Variants in LIMS1 observed in about 807,000 individuals in gnomAD.
The protein encoded by LIMS1 is LIM and senescent cell antigen-like-containing domain protein 1.
Under a neutral mutation model 44.1 loss-of-function variants are expected in LIMS1, and 18 were observed. The observed-to-expected ratio is 0.41, with a 90% CI of 0.28 to 0.61. LIMS1 has a LOEUF of 0.61. Ranked by LOEUF, LIMS1 falls within the 20% of genes least tolerant of loss-of-function variation. The pLI, the probability that LIMS1 is intolerant of heterozygous loss-of-function variation, is 0.32. For missense variants in LIMS1, 201 were observed against 422.0 expected (o/e 0.48, Z 4.59); for synonymous variants, 93 against 149.1 (o/e 0.62, Z 2.74).
chr2:108,539,686 G>A (rs1684255270), intron 1 of LIMS1, among the ~76,000 whole-genome samples: 1 of 152,098 alleles, frequency 6.6e-6, no homozygotes, highest in African/African-American at 2.4e-5. Flanking sequence ...ATTTTTTGTT[G>A]TATAGCTTTT....
chr2:108,560,808 C>T (rs2104610720), intron 1 of LIMS1, among the ~76,000 whole-genome samples: 1 of 152,096 alleles, frequency 6.6e-6, no homozygotes, highest in South Asian at 2.1e-4. Context: ...TGGAAGAGTG[C>T]CTGTTAGTGT....
At position 108,556,874 on chromosome 2, in the gene LIMS1, A is replaced by G. The variant is rs188211852; in HGVS notation, c.32+22280A>G. ...CTGTGATCAGTCAAGCAGCTGACCA[A>G]TCGTTACCTACTCCTCCCTGCTCTT... On this transcript the variant is annotated intron_variant, in intron 1 of 9. Transcript: ENST00000544547. Among the ~76,000 whole-genome samples, 10 of 152,320 alleles carry G rather than the reference A, an allele frequency of 6.6e-5. No homozygotes were observed. In the East Asian group the frequency reaches 9.7e-4, roughly 15 times the overall value.
intron 1 of LIMS1, among the ~76,000 whole-genome samples, chr2:108,609,781 T>C (rs1346517886): frequency 1.3e-5 from 2 of 152,192 alleles, no homozygotes. Context: ...CAGCAGTGTA[T>C]GACCTTCTGG....
At chr2:108,627,427 C>T (rs867554349) in intron 1 of LIMS1, among the ~76,000 whole-genome samples, 2 of 123,438 alleles carry the variant, frequency 1.6e-5, no homozygotes, top group Non-Finnish European at 3.2e-5. Context: ...TTTTGCACTG[C>T]TATAGGAGAC....
intron 1 of LIMS1, among the ~76,000 whole-genome samples, chr2:108,648,826 A>G (rs1046849540): frequency 6.6e-6 from 1 of 152,244 alleles, no homozygotes; most frequent in Non-Finnish European, 1.5e-5. Flanking sequence ...TTATACAAAA[A>G]TTAACTGAAG....
At chr2:108,571,357 A>T (rs552159486) in intron 1 of LIMS1, among the ~76,000 whole-genome samples, 6 of 152,336 alleles carry the variant, frequency 3.9e-5, no homozygotes, top group Middle Eastern at 3.4e-3. Flanking sequence ...TGCATCTGAC[A>T]TGTAAATAGC....
intron 1 of LIMS1, among the ~76,000 whole-genome samples, chr2:108,640,370 T>C (rs1689587709): frequency 6.6e-6 from 1 of 152,194 alleles, no homozygotes; most frequent in East Asian, 1.9e-4. Flanking sequence ...ACCACATAGG[T>C]CGTCAAGACT....
At chr2:108,588,886 G>A (rs949973166) in intron 1 of LIMS1, among the ~76,000 whole-genome samples, 2 of 152,170 alleles carry the variant, frequency 1.3e-5, no homozygotes, top group African/African-American at 4.8e-5. Context: ...TAGGGTGGGT[G>A]TGGAAGGGAA....
intron 1 of LIMS1, among the ~76,000 whole-genome samples, chr2:108,551,629 T>C (rs1573311532): frequency 6.9e-6 from 1 of 144,860 alleles, no homozygotes; most frequent in East Asian, 2.0e-4. Context: ...TATATATGTG[T>C]ATATATATGT....
chr2:108,563,421 A>G (rs1303941671), intron 1 of LIMS1, among the ~76,000 whole-genome samples: 4 of 152,228 alleles, frequency 2.6e-5, no homozygotes, highest in Non-Finnish European at 4.4e-5. Context: ...CAAAATACCA[A>G]CATTAGTAGG....
At chr2:108,575,215 G>A (rs1394902084) in intron 1 of LIMS1, among the ~76,000 whole-genome samples, 2 of 152,058 alleles carry the variant, frequency 1.3e-5, no homozygotes, top group Non-Finnish European at 2.9e-5. Flanking sequence ...TCCCCTCCAA[G>A]GTTGGGGAGG....
chr2:108,587,293 TGTGTGTG>T (rs749729198), intron 1 of LIMS1, among the ~76,000 whole-genome samples: 34,458 of 90,000 alleles, frequency 0.38, 5,567 homozygotes, highest in East Asian at 0.8. Context: ...TTGGGGTTTG[TGTGTGTG>T]TGTGTGTGTG....
chr2:108,664,126 C>CTT (rs1326619423), intron 2 of LIMS1, among the ~76,000 whole-genome samples: 1 of 152,114 alleles, frequency 6.6e-6, no homozygotes. Flanking sequence ...CTCATTTACT[C>CTT]TGATTATTCA....
At chr2:108,552,169 T>C (rs762063437) in intron 1 of LIMS1, among the ~76,000 whole-genome samples, 1 of 145,356 alleles carries the variant, frequency 6.9e-6, no homozygotes, top group African/African-American at 2.5e-5. Context: ...TATATAAATA[T>C]AAAATATACA....
chr2:108,610,666 G>A (rs990425377), intron 1 of LIMS1, among the ~76,000 whole-genome samples: 1 of 152,106 alleles, frequency 6.6e-6, no homozygotes, highest in Non-Finnish European at 1.5e-5. Flanking sequence ...CCCAAGAGTA[G>A]CATTCTACAT....
At chr2:108,669,497 T>C (rs1023718248) in intron 2 of LIMS1, among the ~76,000 whole-genome samples, 3 of 152,138 alleles carry the variant, frequency 2.0e-5, no homozygotes, top group East Asian at 1.9e-4. Flanking sequence ...GTGGTAGATA[T>C]GTTCACTAAA....
intron 1 of LIMS1, among the ~76,000 whole-genome samples, chr2:108,614,258 C>T (rs1212952329): frequency 6.6e-6 from 1 of 152,236 alleles, no homozygotes; most frequent in Non-Finnish European, 1.5e-5. Context: ...GCTCGGGCGC[C>T]TCCTCCACGC....
At chr2:108,669,410 A>G (rs1692011849) in intron 2 of LIMS1, among the ~76,000 whole-genome samples, 1 of 152,186 alleles carries the variant, frequency 6.6e-6, no homozygotes, top group African/African-American at 2.4e-5. Flanking sequence ...TCTGGGAAAA[A>G]AAAAAAAGTT....
chr2:108,563,624 A>T (rs1286978135), intron 1 of LIMS1, among the ~76,000 whole-genome samples: 1 of 152,218 alleles, frequency 6.6e-6, no homozygotes, highest in Non-Finnish European at 1.5e-5. Flanking sequence ...CTTATGGATG[A>T]ACAAAGAAAG....
Sources: gnomAD v4.1 joint callset for allele counts (sites outside exome capture counted in the v4.1 genomes callset) on GRCh38, gnomAD v4.1.1 for gene constraint, MANE v1.5 for transcripts, NCBI Gene and HGNC (gene_info 2026-07-23, HGNC 2026-07-21) for gene names.